The following KALRN variants were observed in gnomAD, a reference collection of about 807,000 sequenced individuals.
KALRN encodes the protein kalirin RhoGEF kinase, also known as kalirin.
A neutral mutation model predicts 353.7 loss-of-function variants in KALRN; 70 were observed. That is an observed-to-expected ratio of 0.20 (90% CI 0.16 to 0.24). The LOEUF (loss-of-function observed/expected upper bound fraction) is 0.24, where lower values mean the gene tolerates loss of function less well. Ranked by LOEUF, KALRN falls within the 10% of genes least tolerant of loss-of-function variation. KALRN has a pLI of 1.00. For synonymous variants in KALRN, 1,391 were observed against 1,434.8 expected (o/e 0.97, Z 0.69); for missense variants, 2,791 against 3,756.7 (o/e 0.74, Z 6.72).
At chr3:124,439,188 T>TCACACACA (rs1491329331) in intron 18 of KALRN, 151 bp downstream of exon 18, 40 of 363,252 alleles carry the variant, frequency 1.1e-4, no homozygotes, top group East Asian at 9.4e-4. Context: ...TTCTTCTCCT[T>TCACACACA]CTCTCTCTCT....
chr3:124,520,044 A>G (rs1031423776), intron 33 of KALRN, among the ~76,000 whole-genome samples: 1 of 152,082 alleles, frequency 6.6e-6, no homozygotes, highest in Admixed American at 6.6e-5. Context: ...CAACCACAGC[A>G]ATTTTGTCTT....
Position 124,439,702 on chromosome 3 carries a change from T to A in KALRN, c.3198+665T>A, listed in dbSNP as rs147183348. Among the ~76,000 whole-genome samples the A allele has an allele frequency of 1.2e-3, 184 of 152,326 alleles. 1 individual carries two copies. Among genetic ancestry groups the A allele is most frequent in the African/African-American group, 4.4e-3 (181 of 41,574 alleles). ...TCATTCTTCTGTATTAAGAGAGAAA[T>A]GCCTTATTCCTAATATTCTGCTAGA... is the stretch of plus-strand genomic sequence containing the variant. On this transcript the variant is annotated intron_variant, in intron 18 of 59. Coordinates refer to ENST00000682506, the MANE Select transcript of KALRN (RefSeq NM_001388419.1).
chr3:124,623,186 T>C (rs1205819839), intron 34 of KALRN, among the ~76,000 whole-genome samples: 1 of 151,622 alleles, frequency 6.6e-6, no homozygotes, highest in Non-Finnish European at 1.5e-5. Flanking sequence ...CATTCTGCTA[T>C]GTTGCCCAGG....
chr3:124,620,678 T>G (rs1309147730), intron 34 of KALRN, among the ~76,000 whole-genome samples: 4 of 152,160 alleles, frequency 2.6e-5, no homozygotes, highest in African/African-American at 9.7e-5. Flanking sequence ...CAGAGACAGC[T>G]AGATGGGGCA....
At chr3:124,351,219 A>C (rs1211450919) in intron 10 of KALRN, among the ~76,000 whole-genome samples, 1 of 152,180 alleles carries the variant, frequency 6.6e-6, no homozygotes, top group Non-Finnish European at 1.5e-5. Flanking sequence ...GGAACTGAAA[A>C]GTTCTCGAGT....
chr3:124,158,148 G>T (rs2069301482), intron 1 of KALRN, among the ~76,000 whole-genome samples: 1 of 152,150 alleles, frequency 6.6e-6, no homozygotes, highest in Admixed American at 6.5e-5. Context: ...TGCCTGCTTT[G>T]TGTCACCTCC....
intron 1 of KALRN, among the ~76,000 whole-genome samples, chr3:124,106,475 T>C (rs1460396917): frequency 1.3e-5 from 2 of 152,046 alleles, no homozygotes; most frequent in Non-Finnish European, 2.9e-5. Context: ...CTGAAAAGTA[T>C]AGCAGCAAGG....
chr3:124,696,373 C>T, intron 54 of KALRN, 118 bp downstream of exon 54: 1 of 856,858 alleles, frequency 1.2e-6, no homozygotes, highest in Non-Finnish European at 1.7e-6. Flanking sequence ...CAGGCTCAAG[C>T]ACTCCAACCA....
intron 36 of KALRN, 100 bp from the exon 37 acceptor site, chr3:124,637,108 C>T: frequency 1.0e-6 from 1 of 987,284 alleles, no homozygotes. Flanking sequence ...ACTTTGCTTC[C>T]CTTCCCTGGC....
chr3:124,192,550 ATAAAT>A (rs2075036372), intron 1 of KALRN, among the ~76,000 whole-genome samples: 1 of 152,218 alleles, frequency 6.6e-6, no homozygotes, highest in Non-Finnish European at 1.5e-5. Flanking sequence ...AACTCGAAGG[ATAAAT>A]GCTTGAGAGG....
chr3:124,382,386 T>C (rs2087522255), intron 10 of KALRN, among the ~76,000 whole-genome samples: 1 of 152,216 alleles, frequency 6.6e-6, no homozygotes, highest in Non-Finnish European at 1.5e-5. Flanking sequence ...TCAAGAATGA[T>C]TTTAATTCTT....
At chr3:124,355,010 G>T (rs138558896) in intron 10 of KALRN, among the ~76,000 whole-genome samples, 73 of 152,310 alleles carry the variant, frequency 4.8e-4, no homozygotes, top group African/African-American at 1.7e-3. Context: ...TTCAATTCTG[G>T]TCAAGGAAAA....
At chr3:124,431,879 C>CA (rs1289115433) in intron 16 of KALRN, among the ~76,000 whole-genome samples, 3 of 152,154 alleles carry the variant, frequency 2.0e-5, no homozygotes, top group African/African-American at 7.2e-5. Flanking sequence ...TGTTAAGATG[C>CA]ATGATATTTT....
chr3:124,051,305 T>C (rs1263268222), intron 1 of KALRN, among the ~76,000 whole-genome samples: 1 of 152,170 alleles, frequency 6.6e-6, no homozygotes, highest in Non-Finnish European at 1.5e-5. Flanking sequence ...TCTGAGAGGT[T>C]GGTGTTTTGG....
At chr3:124,366,739 G>C (rs1488196243) in intron 10 of KALRN, among the ~76,000 whole-genome samples, 1 of 152,128 alleles carries the variant, frequency 6.6e-6, no homozygotes, top group Non-Finnish European at 1.5e-5. Context: ...CAGACGGGGT[G>C]GTGGCCGGGC....
chr3:124,303,205 A>T (rs2077405376), intron 6 of KALRN, among the ~76,000 whole-genome samples: 1 of 152,228 alleles, frequency 6.6e-6, no homozygotes, highest in Non-Finnish European at 1.5e-5. Context: ...AAATGAAAAA[A>T]AGTTAAAATT....
intron 47 of KALRN, 38 bp downstream of exon 47, chr3:124,667,221 G>A (rs372487821): frequency 1.4e-5 from 22 of 1,583,966 alleles, no homozygotes; most frequent in Non-Finnish European, 1.8e-5. Context: ...GGCTGTGTCA[G>A]GGGACTCCAC....
At chr3:124,172,727 A>G (rs1277475728) in intron 1 of KALRN, among the ~76,000 whole-genome samples, 5 of 151,720 alleles carry the variant, frequency 3.3e-5, no homozygotes, top group African/African-American at 1.2e-4. Context: ...ATTATTCTCA[A>G]CCCTCTCAAT....
At chr3:124,612,237 C>G (rs1169165117) in intron 34 of KALRN, among the ~76,000 whole-genome samples, 1 of 151,576 alleles carries the variant, frequency 6.6e-6, no homozygotes, top group African/African-American at 2.4e-5. Context: ...GAGTTTTGCT[C>G]TTATTACCCA....
Sources: gnomAD v4.1 joint callset for allele counts (sites outside exome capture counted in the v4.1 genomes callset) on GRCh38, gnomAD v4.1.1 for gene constraint, MANE v1.5 for transcripts, NCBI Gene and HGNC (gene_info 2026-07-23, HGNC 2026-07-21) for gene names.